The following PTPRD variants were observed in gnomAD, a reference collection of about 807,000 sequenced individuals.
PTPRD encodes the protein receptor-type tyrosine-protein phosphatase delta.
In PTPRD, 34 loss-of-function variants were observed where a neutral mutation model predicts 214.5. That is an observed-to-expected ratio of 0.16 (90% CI 0.12 to 0.21). The LOEUF (loss-of-function observed/expected upper bound fraction) is 0.21, where lower values mean the gene tolerates loss of function less well. PTPRD is among the 10% of genes least tolerant of loss of function. The pLI, the probability that PTPRD is intolerant of heterozygous loss-of-function variation, is 1.00. For missense variants in PTPRD, 2,545 were observed against 2,398.7 expected (o/e 1.06, Z -1.27); for synonymous variants, 1,128 against 845.7 (o/e 1.33, Z -5.79).
chr9:9,716,929 C>T (rs1035006741), intron 7 of PTPRD, among the ~76,000 whole-genome samples: 1 of 152,076 alleles, frequency 6.6e-6, no homozygotes, highest in Non-Finnish European at 1.5e-5. Context: ...CTTGCCCATG[C>T]CTATGTCCTG....
chr9:8,612,860 G>C (rs2095497171), intron 14 of PTPRD, among the ~76,000 whole-genome samples: 1 of 152,128 alleles, frequency 6.6e-6, no homozygotes, highest in South Asian at 2.1e-4. Context: ...ATTGCCTCTA[G>C]AGTGATTATT....
intron 2 of PTPRD, among the ~76,000 whole-genome samples, chr9:10,464,135 C>T (rs577936563): frequency 3.3e-5 from 5 of 152,122 alleles, no homozygotes; most frequent in South Asian, 2.1e-4. Context: ...CAGTGGCTCA[C>T]GCCTGTAATC....
At chr9:10,393,320 T>C (rs1176085035) in intron 2 of PTPRD, among the ~76,000 whole-genome samples, 1 of 151,784 alleles carries the variant, frequency 6.6e-6, no homozygotes, top group Non-Finnish European at 1.5e-5. Flanking sequence ...TGTGTGTGTA[T>C]GTGGTCAGAA....
At chr9:9,467,670 C>G (rs959857301) in intron 8 of PTPRD, among the ~76,000 whole-genome samples, 1 of 145,342 alleles carries the variant, frequency 6.9e-6, no homozygotes, top group Non-Finnish European at 1.5e-5. Context: ...CTATCGATTT[C>G]AGTAGATATT....
At chr9:9,375,789 G>T (rs1255238085) in intron 9 of PTPRD, among the ~76,000 whole-genome samples, 1 of 152,042 alleles carries the variant, frequency 6.6e-6, no homozygotes, top group African/African-American at 2.4e-5. Context: ...GTTATCAATG[G>T]CAGGGAGGAG....
chr9:8,456,327 G>A (rs1051768751), intron 33 of PTPRD, among the ~76,000 whole-genome samples: 6 of 152,150 alleles, frequency 3.9e-5, no homozygotes, highest in Non-Finnish European at 4.4e-5. Flanking sequence ...CGAACTGCTA[G>A]AGAGGGGAGG....
intron 8 of PTPRD, among the ~76,000 whole-genome samples, chr9:9,454,126 T>C (rs969291843): frequency 6.6e-6 from 1 of 151,160 alleles, no homozygotes; most frequent in Non-Finnish European, 1.5e-5. Flanking sequence ...ATGAGAAAAA[T>C]GAAAATATCC....
intron 8 of PTPRD, among the ~76,000 whole-genome samples, chr9:9,403,426 T>TCTCTCTCG (rs1188142640): frequency 6.6e-6 from 1 of 151,372 alleles, no homozygotes; most frequent in African/African-American, 2.4e-5. Context: ...TCTCTTTCTC[T>TCTCTCTCG]CTCTCTCTCC....
At chr9:10,399,973 A>C (rs921078036) in intron 2 of PTPRD, among the ~76,000 whole-genome samples, 33 of 151,854 alleles carry the variant, frequency 2.2e-4, no homozygotes, top group African/African-American at 7.7e-4. Flanking sequence ...AAATCATTAA[A>C]AGTAGGGGAG....
At chr9:9,483,094 A>T (rs2095485423) in intron 8 of PTPRD, among the ~76,000 whole-genome samples, 1 of 152,188 alleles carries the variant, frequency 6.6e-6, no homozygotes, top group East Asian at 1.9e-4. Flanking sequence ...TAATATATTG[A>T]TATCTAAGAA....
chr9:9,558,631 A>G (rs1160088432), intron 8 of PTPRD, among the ~76,000 whole-genome samples: 1 of 152,154 alleles, frequency 6.6e-6, no homozygotes, highest in African/African-American at 2.4e-5. Context: ...CTGCCCATCT[A>G]TTGGCACAGA....
At chr9:8,406,490 T>C (rs966615636) in intron 35 of PTPRD, among the ~76,000 whole-genome samples, 4 of 152,198 alleles carry the variant, frequency 2.6e-5, no homozygotes, top group Admixed American at 6.5e-5. Flanking sequence ...TCTGGACAGG[T>C]TGGCTGCCTG....
chr9:9,226,965 C>T (rs1402202687), intron 9 of PTPRD, among the ~76,000 whole-genome samples: 2 of 151,924 alleles, frequency 1.3e-5, no homozygotes, highest in East Asian at 1.9e-4. Context: ...TAATTCACAA[C>T]CAAAAAGATG....
In PTPRD at chr9:9,851,339, G is replaced by T. The variant is rs976329507; in HGVS notation, c.-367-84488C>A. 1.8e-4 allele frequency among the ~76,000 whole-genome samples: 27 copies of T among 152,304 alleles called. 1 individual carries two copies. Among genetic ancestry groups the T allele is most frequent in the African/African-American group, 6.5e-4 (27 of 41,580 alleles). Reference sequence around the variant, plus strand: ...AACTGCTCTCGTCAGGCCAGCCTTGGCATGGCAGCTTCTACACAGAAATAA... The same window carrying T: ...AACTGCTCTCGTCAGGCCAGCCTTGTCATGGCAGCTTCTACACAGAAATAA... On this transcript the variant is annotated intron_variant, in intron 5 of 45. Coordinates refer to ENST00000381196, the MANE Select transcript of PTPRD (RefSeq NM_002839.4).
At position 10,403,285 on chromosome 9, in the gene PTPRD, C is replaced by T. The variant is rs568484490; in HGVS notation, c.-599-62268G>A. Among the ~76,000 whole-genome samples the T allele has an allele frequency of 5.5e-3, 621 of 113,482 alleles. 6 individuals are homozygous for T. Among genetic ancestry groups the T allele is most frequent in the African/African-American group, 0.019 (590 of 31,224 alleles). The allele number at this position is 113,482 out of a possible 152,430, so 74.4% of individuals were successfully genotyped here. The stretch of plus-strand genomic sequence containing the variant: ...GAAAAATGTAGTGAATGATCAATTT[C>T]CTAAGGTCAGTCTTGATATTTTAAA... On this transcript the variant is annotated intron_variant, in intron 2 of 45. Coordinates refer to ENST00000381196, the MANE Select transcript of PTPRD (RefSeq NM_002839.4).
intron 4 of PTPRD, among the ~76,000 whole-genome samples, chr9:10,026,974 A>G (rs2096935233): frequency 6.6e-6 from 1 of 152,144 alleles, no homozygotes; most frequent in Admixed American, 6.5e-5. Flanking sequence ...TTAACATCCC[A>G]TTAAAGGCAG....
intron 11 of PTPRD, among the ~76,000 whole-genome samples, chr9:8,802,906 G>C (rs1335180494): frequency 6.6e-6 from 1 of 151,976 alleles, no homozygotes; most frequent in African/African-American, 2.4e-5. Flanking sequence ...TTAAAAATTA[G>C]CTTAGTGTGG....
At chr9:9,372,757 T>C (rs1396224819) in intron 9 of PTPRD, among the ~76,000 whole-genome samples, 1 of 152,188 alleles carries the variant, frequency 6.6e-6, no homozygotes, top group Non-Finnish European at 1.5e-5. Flanking sequence ...GTACTGGTTG[T>C]TCCTTTCCAT....
chr9:10,256,641 A>T (rs1438683591), intron 3 of PTPRD, among the ~76,000 whole-genome samples: 1 of 152,154 alleles, frequency 6.6e-6, no homozygotes, highest in African/African-American at 2.4e-5. Flanking sequence ...AAATTCAACT[A>T]ATCAGTTATC....
Sources: gnomAD v4.1 joint callset for allele counts (sites outside exome capture counted in the v4.1 genomes callset) on GRCh38, gnomAD v4.1.1 for gene constraint, MANE v1.5 for transcripts, NCBI Gene and HGNC (gene_info 2026-07-23, HGNC 2026-07-21) for gene names.